Variants in PINX1 observed in about 807,000 individuals in gnomAD.
PINX1 encodes the protein PIN2/TERF1-interacting telomerase inhibitor 1.
Under a neutral mutation model 25.4 loss-of-function variants are expected in PINX1, and 34 were observed. That is an observed-to-expected ratio of 1.34 (90% CI 1.02 to 1.78). PINX1 has a LOEUF of 1.78. PINX1 is among the 40% of genes most tolerant of loss of function. The probability of loss-of-function intolerance (pLI) is 0.00; values close to 1 mark genes in which losing one functional copy is unlikely to be tolerated. For synonymous variants in PINX1, 197 were observed against 147.7 expected (o/e 1.33, Z -2.42); for missense variants, 592 against 404.9 (o/e 1.46, Z -3.97).
intron 6 of PINX1, among the ~76,000 whole-genome samples, chr8:10,767,657 C>T (rs1018993528): frequency 3.3e-5 from 5 of 152,216 alleles, no homozygotes; most frequent in African/African-American, 1.2e-4. Flanking sequence ...AAGGCTCTCC[C>T]GGCACGAGCC....
intron 4 of PINX1, among the ~76,000 whole-genome samples, chr8:10,826,912 T>C (rs7833128): frequency 0.4 from 61,329 of 152,102 alleles, 13,310 homozygotes; most frequent in African/African-American, 0.56. Context: ...ATCCTGTATC[T>C]TCACCATTGT....
intron 4 of PINX1, among the ~76,000 whole-genome samples, chr8:10,827,898 G>A (rs567284268): frequency 1.7e-3 from 228 of 130,722 alleles, no homozygotes; most frequent in South Asian, 3.2e-3. Context: ...GTGACAGAGC[G>A]AGACTCCATC....
At chr8:10,817,018 G>T (rs1400090381) in intron 6 of PINX1, among the ~76,000 whole-genome samples, 1 of 152,190 alleles carries the variant, frequency 6.6e-6, no homozygotes, top group African/African-American at 2.4e-5. Flanking sequence ...ATTCTACGAT[G>T]GCAGTCAGGA....
At chr8:10,792,525 C>T (rs1268730639) in intron 6 of PINX1, among the ~76,000 whole-genome samples, 1 of 152,014 alleles carries the variant, frequency 6.6e-6, no homozygotes, top group Admixed American at 6.6e-5. Context: ...TGGTTAAGAG[C>T]GCCTGGCACC....
At chr8:10,828,018 G>C (rs1586205104) in intron 4 of PINX1, among the ~76,000 whole-genome samples, 1 of 151,916 alleles carries the variant, frequency 6.6e-6, no homozygotes, top group Non-Finnish European at 1.5e-5. Flanking sequence ...ACAAGCACGT[G>C]TCCATTCAAC....
At position 10,813,660 on chromosome 8, in the gene PINX1, C is replaced by T. The variant is rs139040267; in HGVS notation, c.471+6533G>A. 4.0e-3 allele frequency among the ~76,000 whole-genome samples: 608 copies of T among 152,242 alleles called. 3 individuals carry two copies. Among genetic ancestry groups the T allele is most frequent in the African/African-American group, 0.014 (583 of 41,534 alleles). On this transcript the variant is annotated intron_variant, in intron 6 of 6. Coordinates refer to ENST00000314787, the MANE Select transcript of PINX1 (RefSeq NM_017884.6). ...AGGAAAATGATTATTGATTTGGTATCCTGGGAGAGTGAAACTCTCATGAGG... is the reference window on the plus strand; with the variant it reads ...AGGAAAATGATTATTGATTTGGTATTCTGGGAGAGTGAAACTCTCATGAGG...
rs548579804 is a variant in PINX1 at position 10,785,790 on chromosome 8, C to T, written c.472-19874G>A. Reference sequence around the variant, plus strand: ...GCTTGTGTATGTATACCAACATATACGTGTGTACAGGACCCCACTCCATGT... The same window carrying T: ...GCTTGTGTATGTATACCAACATATATGTGTGTACAGGACCCCACTCCATGT... On this transcript the variant is annotated intron_variant, in intron 6 of 6. Coordinates refer to ENST00000314787, the MANE Select transcript of PINX1 (RefSeq NM_017884.6). Among the ~76,000 whole-genome samples, 206 of 152,308 alleles carry T rather than the reference C, an allele frequency of 1.4e-3. 3 individuals are homozygous for T. The South Asian group carries it at 0.034, about 25-fold the overall frequency.
intron 5 of PINX1, 108 bp from the exon 6 acceptor site, chr8:10,820,377 G>A: frequency 1.3e-6 from 1 of 770,034 alleles, no homozygotes. Flanking sequence ...GGGAAAGAAA[G>A]AAACAATTTT....
chr8:10,767,503 T>A (rs1431343227), intron 6 of PINX1, among the ~76,000 whole-genome samples: 1 of 152,184 alleles, frequency 6.6e-6, no homozygotes, highest in African/African-American at 2.4e-5. Context: ...TTTAATTTTA[T>A]CTATTACTAT....
intron 5 of PINX1, among the ~76,000 whole-genome samples, chr8:10,824,301 T>C (rs1333213859): frequency 6.6e-6 from 1 of 152,194 alleles, no homozygotes; most frequent in African/African-American, 2.4e-5. Context: ...TTAAAATAAG[T>C]GTGCACCGTG....
At chr8:10,786,971 T>C (rs1161046016) in intron 6 of PINX1, among the ~76,000 whole-genome samples, 4 of 152,144 alleles carry the variant, frequency 2.6e-5, no homozygotes, top group Non-Finnish European at 5.9e-5. Context: ...TCTCAGTGAA[T>C]TATCTCATGA....
intron 6 of PINX1, among the ~76,000 whole-genome samples, chr8:10,767,180 G>T (rs893459414): frequency 7.9e-5 from 12 of 152,138 alleles, no homozygotes; most frequent in South Asian, 2.1e-4. Flanking sequence ...TTCTACTAAT[G>T]ATCCTAAACT....
intron 4 of PINX1, among the ~76,000 whole-genome samples, chr8:10,830,775 C>A (rs539139256): frequency 6.6e-6 from 1 of 152,238 alleles, no homozygotes; most frequent in South Asian, 2.1e-4. Context: ...GACATCATCT[C>A]ACACCCATTA....
intron 6 of PINX1, among the ~76,000 whole-genome samples, chr8:10,784,510 G>T (rs529975707): frequency 1.8e-4 from 27 of 152,324 alleles, no homozygotes; most frequent in African/African-American, 6.5e-4. Flanking sequence ...GTTCCTTTTA[G>T]AAAGGGTGCT....
At chr8:10,781,896 A>G (rs1466084760) in intron 6 of PINX1, among the ~76,000 whole-genome samples, 1 of 152,130 alleles carries the variant, frequency 6.6e-6, no homozygotes, top group Non-Finnish European at 1.5e-5. Flanking sequence ...TGTTCACCGC[A>G]GCAGTTTGCA....
chr8:10,775,460 C>T (rs114664847), intron 6 of PINX1, among the ~76,000 whole-genome samples: 1,293 of 116,476 alleles, frequency 0.011, 35 homozygotes, highest in African/African-American at 0.039. Context: ...AATTTTGAAT[C>T]CATTACAGGA....
chr8:10,797,016 A>C (rs1802104655), intron 6 of PINX1, among the ~76,000 whole-genome samples: 1 of 152,042 alleles, frequency 6.6e-6, no homozygotes, highest in Non-Finnish European at 1.5e-5. Context: ...AACCAAGCAG[A>C]AGAAACAGCC....
chr8:10,807,268 G>C (rs890670984), intron 6 of PINX1, among the ~76,000 whole-genome samples: 4 of 148,072 alleles, frequency 2.7e-5, no homozygotes, highest in Non-Finnish European at 5.9e-5. Context: ...AAATATGACA[G>C]CAAAACTTAC....
At chr8:10,798,857 G>A (rs139470644) in intron 6 of PINX1, among the ~76,000 whole-genome samples, 16 of 152,310 alleles carry the variant, frequency 1.1e-4, no homozygotes, top group Middle Eastern at 3.4e-3. Flanking sequence ...TAAGTCCACC[G>A]GGTGATTCTG....
Sources: gnomAD v4.1 joint callset for allele counts (sites outside exome capture counted in the v4.1 genomes callset) on GRCh38, gnomAD v4.1.1 for gene constraint, MANE v1.5 for transcripts, NCBI Gene and HGNC (gene_info 2026-07-23, HGNC 2026-07-21) for gene names.